PCLO: variants seen among roughly 807,000 people sequenced by gnomAD.
The protein encoded by PCLO is piccolo presynaptic cytomatrix protein.
PCLO carries 82 observed loss-of-function variants against 427.5 expected under a neutral mutation model. The ratio of observed to expected loss-of-function variants is 0.19; its 90% confidence interval spans 0.16 to 0.23. PCLO has a LOEUF of 0.23. Ranked by LOEUF, PCLO falls within the 10% of genes least tolerant of loss-of-function variation. The probability of loss-of-function intolerance (pLI) is 1.00; values close to 1 mark genes in which losing one functional copy is unlikely to be tolerated. For missense variants in PCLO, 6,239 were observed against 6,115.9 expected (o/e 1.02, Z -0.67); for synonymous variants, 2,357 against 2,155.4 (o/e 1.09, Z -2.59).
At chr7:82,778,205 C>A (rs773251513) in intron 22 of PCLO, among the ~76,000 whole-genome samples, 22 of 152,026 alleles carry the variant, frequency 1.4e-4, no homozygotes, top group Admixed American at 5.2e-4. Flanking sequence ...CAAATCAAAA[C>A]CACAATGAGA....
At chr7:83,076,968 T>C (rs760252318) in intron 3 of PCLO, among the ~76,000 whole-genome samples, 20 of 141,050 alleles carry the variant, frequency 1.4e-4, no homozygotes, top group Admixed American at 5.3e-4. Context: ...TAGAGCATAA[T>C]AGCCTGCTTT....
At chr7:83,151,230 C>CG (rs1273762338) in intron 2 of PCLO, among the ~76,000 whole-genome samples, 2 of 152,086 alleles carry the variant, frequency 1.3e-5, no homozygotes, top group African/African-American at 4.8e-5. Context: ...TAAAATGAAA[C>CG]GATATCACTA....
intron 3 of PCLO, among the ~76,000 whole-genome samples, chr7:82,989,482 A>G (rs1192909762): frequency 6.6e-6 from 1 of 152,126 alleles, no homozygotes; most frequent in Non-Finnish European, 1.5e-5. Flanking sequence ...ATTCAAATTA[A>G]TATATTTGAA....
At chr7:82,899,619 A>C (rs1186247129) in intron 9 of PCLO, among the ~76,000 whole-genome samples, 1 of 151,524 alleles carries the variant, frequency 6.6e-6, no homozygotes, top group Non-Finnish European at 1.5e-5. Flanking sequence ...ATTCAGAGAA[A>C]AGATATAGTA....
intron 9 of PCLO, among the ~76,000 whole-genome samples, chr7:82,897,713 T>C (rs1263348754): frequency 1.3e-5 from 2 of 151,496 alleles, no homozygotes; most frequent in African/African-American, 4.8e-5. Flanking sequence ...CATCAATGAG[T>C]AAACATTTAA....
At chr7:83,083,527 A>T (rs770559966) in intron 3 of PCLO, among the ~76,000 whole-genome samples, 3 of 152,010 alleles carry the variant, frequency 2.0e-5, no homozygotes, top group Admixed American at 6.6e-5. Context: ...AATCTAGACA[A>T]TCTGTTTTCC....
Position 82,984,117 on chromosome 7 carries a change from C to A in PCLO, c.3301-17630G>T, listed in dbSNP as rs554778010. ...TCATAATATCTAACTATGGTTATAA[C>A]AAATACAGACAATTTAGTTATGTGA... is the stretch of plus-strand genomic sequence containing the variant. On this transcript the variant is annotated intron_variant, in intron 3 of 24. Transcript: ENST00000333891. 3.0e-4 allele frequency among the ~76,000 whole-genome samples: 46 copies of A among 151,958 alleles called. 1 individual carries two copies. The South Asian group carries it at 7.5e-3, about 25-fold the overall frequency.
At chr7:82,768,605 T>G (rs1381500369) in intron 22 of PCLO, among the ~76,000 whole-genome samples, 1 of 152,062 alleles carries the variant, frequency 6.6e-6, no homozygotes, top group East Asian at 1.9e-4. Context: ...TTGATAAACA[T>G]GAATATTTTA....
Position 82,951,910 on chromosome 7 carries a change from A to C in PCLO, c.9043T>G (p.Tyr3015Asp). 6.2e-7 allele frequency: 1 copy of C among 1,613,878 alleles called. No homozygotes were observed. Among genetic ancestry groups the C allele is most frequent in the Non-Finnish European group, 8.5e-7 (1 of 1,179,838 alleles). ...FFYKSKNAFD[Y>D]SEGTDTAVDL... ...ACTGCTGTGTCAGTTCCTTCAGAAT[A>C]ATCAAAAGCATTCTTACTTTTATAG... The change falls in exon 5 of 25, where the codon TAT (tyrosine) becomes GAT (aspartate). Residue 3015 changes from tyrosine to aspartate, a missense_variant. Tyr to Asp is a radical substitution (Grantham distance 160). Transcript: ENST00000333891.
intron 3 of PCLO, among the ~76,000 whole-genome samples, chr7:82,971,911 T>C (rs920999362): frequency 6.6e-5 from 10 of 151,692 alleles, no homozygotes. Context: ...TTTTTAAATA[T>C]ATTTTGACTA....
intron 9 of PCLO, among the ~76,000 whole-genome samples, chr7:82,889,277 A>T (rs1438903065): frequency 6.6e-6 from 1 of 152,106 alleles, no homozygotes; most frequent in Non-Finnish European, 1.5e-5. Context: ...CAGGTGCAAT[A>T]TGCTTAGCCC....
chr7:82,923,496 C>T (rs2072887733), intron 6 of PCLO, among the ~76,000 whole-genome samples: 1 of 152,030 alleles, frequency 6.6e-6, no homozygotes, highest in Non-Finnish European at 1.5e-5. Flanking sequence ...CAAATTAACT[C>T]CAATACCATG....
At chr7:82,854,771 A>C (rs1479286136) in intron 10 of PCLO, among the ~76,000 whole-genome samples, 1 of 152,136 alleles carries the variant, frequency 6.6e-6, no homozygotes, top group African/African-American at 2.4e-5. Flanking sequence ...TCTGTATTTG[A>C]AACTCTCATT....
chr7:82,790,107 C>T (rs1791071254), intron 22 of PCLO, among the ~76,000 whole-genome samples: 1 of 152,078 alleles, frequency 6.6e-6, no homozygotes, highest in South Asian at 2.1e-4. Context: ...CTGCTTTTCG[C>T]ACCTCTGCCC....
At position 83,156,598 on chromosome 7, in the gene PCLO, CA is replaced by C. The variant is rs1051693316; in HGVS notation, c.249-207del. Among the ~76,000 whole-genome samples, 11 of 149,866 alleles carry C rather than the reference CA, an allele frequency of 7.3e-5. 1 individual carries two copies. The highest frequency in any genetic ancestry group is 4.6e-4 in the Admixed American group (7 of 15,060). On this transcript the variant is annotated intron_variant, in intron 1 of 24. Transcript: ENST00000333891. Reference sequence around the variant, plus strand: ...TCTTTAAATGGGTAGAGATTTTCAACAAGCAAGTGAAGAAAAAAAAACTTGC... The same window carrying C: ...TCTTTAAATGGGTAGAGATTTTCAACAGCAAGTGAAGAAAAAAAAACTTGC...
At chr7:82,816,686 A>G (rs538411505) in intron 20 of PCLO, among the ~76,000 whole-genome samples, 1 of 152,248 alleles carries the variant, frequency 6.6e-6, no homozygotes, top group African/African-American at 2.4e-5. Context: ...GCTAGACCAT[A>G]TGACTAAGGC....
At chr7:83,054,435 C>T (rs1789328610) in intron 3 of PCLO, among the ~76,000 whole-genome samples, 1 of 152,018 alleles carries the variant, frequency 6.6e-6, no homozygotes, top group African/African-American at 2.4e-5. Context: ...CACAGTATCA[C>T]TTTCTCCAAG....
At chr7:83,032,488 C>G (rs28502415) in intron 3 of PCLO, among the ~76,000 whole-genome samples, 3,541 of 144,716 alleles carry the variant, frequency 0.024, 145 homozygotes, top group African/African-American at 0.084. Context: ...TCCCTTCCTT[C>G]CCTTGCTTCA....
rs1000734708 is a variant in PCLO, at chr7:83,124,353, CAAAAAAAAAA to C, written c.3300+9887_3300+9896del. On this transcript the variant is annotated intron_variant, in intron 3 of 24. Coordinates refer to ENST00000333891, the MANE Select transcript of PCLO (RefSeq NM_033026.6). ...TGGGCGGAAGAGCGAGACTCCGTCT[CAAAAAAAAAA>C]AAAAAAAAGAGAAAGTAAACATACA... Among the ~76,000 whole-genome samples the C allele has an allele frequency of 3.9e-3, 225 of 57,554 alleles. 2 individuals are homozygous for C. Among genetic ancestry groups the C allele is most frequent in the Non-Finnish European group, 6.2e-3 (167 of 27,032 alleles). 37.8% of individuals were successfully genotyped at this position (57,554 alleles called of 152,430 possible). A position where few individuals can be genotyped will look rare whatever the true frequency, so the allele number is the denominator to read the frequency against.
Sources: allele counts gnomAD v4.1 joint callset (sites outside exome capture counted in the v4.1 genomes callset), GRCh38; gene constraint gnomAD v4.1.1; transcripts MANE v1.5; gene names NCBI Gene and HGNC (gene_info 2026-07-23, HGNC 2026-07-21).